Variants in CEMIP2 observed in about 807,000 individuals in gnomAD.
CEMIP2 encodes cell migration inducing hyaluronidase 2, also known as cell surface hyaluronidase CEMIP2.
Under a neutral mutation model 146.9 loss-of-function variants are expected in CEMIP2, and 79 were observed. The ratio of observed to expected loss-of-function variants is 0.54; its 90% CI spans 0.45 to 0.65. CEMIP2 has a LOEUF of 0.65. Among genes scored for constraint, CEMIP2 ranks in the 30% least tolerant of loss-of-function variants. CEMIP2 has a pLI of 0.00. For missense variants in CEMIP2, 1,596 were observed against 1,696.2 expected (o/e 0.94, Z 1.04); for synonymous variants, 601 against 606.3 (o/e 0.99, Z 0.13).
At chr9:71,702,748 A>C (rs1160849325) in intron 18 of CEMIP2, among the ~76,000 whole-genome samples, 1 of 152,196 alleles carries the variant, frequency 6.6e-6, no homozygotes, top group African/African-American at 2.4e-5. Context: ...ACCATCGTGT[A>C]ATTTTTATAA....
At chr9:71,726,254 G>A (rs559233682) in intron 10 of CEMIP2, among the ~76,000 whole-genome samples, 5 of 152,166 alleles carry the variant, frequency 3.3e-5, no homozygotes, top group African/African-American at 1.2e-4. Context: ...TCTCAGGCTG[G>A]GCCCTGTCTG....
intron 13 of CEMIP2, 111 bp downstream of exon 13, chr9:71,717,837 A>G (rs1335945329): frequency 4.8e-6 from 5 of 1,048,576 alleles, no homozygotes; most frequent in Non-Finnish European, 6.7e-6. Context: ...CTTAATAATA[A>G]TAATATGATT....
chr9:71,761,065 C>T (rs1397216312), intron 1 of CEMIP2, among the ~76,000 whole-genome samples: 4 of 152,310 alleles, frequency 2.6e-5, no homozygotes, highest in South Asian at 2.1e-4. Context: ...CTGGCAGTGA[C>T]GGATGGCAGT....
At chr9:71,756,494 TCTCTCTCTCTCTCACACA>T (rs1824459195) in intron 1 of CEMIP2, among the ~76,000 whole-genome samples, 1 of 136,892 alleles carries the variant, frequency 7.3e-6, no homozygotes, top group South Asian at 2.6e-4. Flanking sequence ...TCTCTCTCTC[TCTCTCTCTCTCTCACACA>T]CACACACACA....
chr9:71,752,822 T>C (rs1049801790), intron 1 of CEMIP2, among the ~76,000 whole-genome samples: 1 of 152,070 alleles, frequency 6.6e-6, no homozygotes, highest in Non-Finnish European at 1.5e-5. Flanking sequence ...TGGAAATTAA[T>C]GGGGGCAGAA....
intron 2 of CEMIP2, among the ~76,000 whole-genome samples, chr9:71,746,811 G>A (rs1250132814): frequency 6.6e-6 from 1 of 152,146 alleles, no homozygotes; most frequent in Non-Finnish European, 1.5e-5. Flanking sequence ...CACAGTGAAT[G>A]ATGAAGTAAG....
rs1554684767 is a variant in CEMIP2 at position 71,728,291 on chromosome 9, A to ATACG, written c.2049+1553_2049+1554insCGTA. Among the ~76,000 whole-genome samples the ATACG allele has an allele frequency of 6.3e-4, 11 of 17,406 alleles. 2 individuals are homozygous for ATACG. The highest frequency in any genetic ancestry group is 9.8e-4 in the African/African-American group (9 of 9,198). The allele number at this position is 17,406 out of a possible 152,430, so 11.4% of individuals were successfully genotyped here. A position where few individuals can be genotyped will look rare whatever the true frequency, so the allele number is the denominator to read the frequency against. Reference sequence around the variant, plus strand: ...TATATATATATATATGTATATATATATATATATATACATATATATATATAT... The same window carrying ATACG: ...TATATATATATATATGTATATATATATACGTATATATATACATATATATATATAT... On this transcript the variant is annotated intron_variant, in intron 10 of 23. Coordinates refer to ENST00000377044, the MANE Select transcript of CEMIP2 (RefSeq NM_013390.3).
At chr9:71,749,040 G>A (rs759438707) in intron 2 of CEMIP2, among the ~76,000 whole-genome samples, 4 of 152,138 alleles carry the variant, frequency 2.6e-5, no homozygotes, top group Non-Finnish European at 4.4e-5. Context: ...CAGATGGATG[G>A]TATTCTTTTA....
At chr9:71,731,627 G>C (rs978418010) in intron 7 of CEMIP2, among the ~76,000 whole-genome samples, 2 of 151,964 alleles carry the variant, frequency 1.3e-5, no homozygotes. Context: ...GCTATTTGGC[G>C]GGGCTGAGGT....
chr9:71,754,500 C>T (rs888845814), intron 1 of CEMIP2, among the ~76,000 whole-genome samples: 8 of 151,942 alleles, frequency 5.3e-5, no homozygotes, highest in African/African-American at 1.5e-4. Context: ...TTTAAATGGT[C>T]GTATTTCTAG....
chr9:71,699,461 A>AG (rs1822493985), intron 19 of CEMIP2: 1 of 421,858 alleles, frequency 2.4e-6, no homozygotes, highest in African/African-American at 2.2e-5. Context: ...TTAAAAAAAA[A>AG]AAAAGAAAGA....
chr9:71,749,798 G>A (rs1190957995), intron 2 of CEMIP2, among the ~76,000 whole-genome samples: 3 of 152,076 alleles, frequency 2.0e-5, no homozygotes, highest in African/African-American at 7.2e-5. Context: ...TTCCAAAAGA[G>A]GTACTCCAAG....
intron 13 of CEMIP2, among the ~76,000 whole-genome samples, chr9:71,717,622 A>G (rs1266081710): frequency 6.6e-6 from 1 of 152,198 alleles, no homozygotes; most frequent in Non-Finnish European, 1.5e-5. Context: ...TTCAAGAGGA[A>G]GGGAAAAGAT....
intron 12 of CEMIP2, among the ~76,000 whole-genome samples, chr9:71,719,842 C>CAAAAAAAAAAAAAAAAA (rs34555277): frequency 2.3e-4 from 21 of 93,190 alleles, no homozygotes; most frequent in African/African-American, 4.0e-4. Context: ...TAAACGAAAG[C>CAAAAAAAAAAAAAAAAA]AAAAAAAAAA....
chr9:71,712,180 G>C lies in CEMIP2; in HGVS notation c.2672C>G (p.Thr891Ser). 1.9e-6 allele frequency: 3 copies of C among 1,614,178 alleles called. No individual in the cohort carries two copies. The highest frequency in any genetic ancestry group is 2.5e-6 in the Non-Finnish European group (3 of 1,180,026). ...AATTGCACTGCTGTACCTATCTGGA[G>C]TTGGCACATATTTTTTGAAAGTGCT... ...TRSTFKKYVP[T>S]PDRYSSAIGF... Residue 891 changes from threonine to serine, a missense_variant, in exon 16 of 24, where the codon ACT (threonine) becomes AGT (serine). Thr to Ser is a moderately conservative substitution (Grantham distance 58). Coordinates refer to ENST00000377044, the MANE Select transcript of CEMIP2 (RefSeq NM_013390.3).
rs921732609 is a variant in CEMIP2, at chr9:71,698,068, G to T, written c.3514C>A (p.Pro1172Thr). The T allele has an allele frequency of 6.2e-7, 1 of 1,613,964 alleles. No individual in the cohort carries two copies. The highest frequency in any genetic ancestry group is 1.3e-5 in the African/African-American group (1 of 74,888). Residue 1172 changes from proline to threonine, a missense_variant, in exon 20 of 24, where the codon CCA (proline) becomes ACA (threonine). Pro to Thr is a conservative substitution (Grantham distance 38, BLOSUM62 -1). Transcript: ENST00000377044. Reference sequence around the variant, plus strand: ...ACTGACGGCTTTCTGTAGTACTGTGGGTATGCTTTGGCCATGCAGTTACTG... The same window carrying T: ...ACTGACGGCTTTCTGTAGTACTGTGTGTATGCTTTGGCCATGCAGTTACTG... ...DISNCMAKAY[P>T]QYYRKPSVVK...
intron 21 of CEMIP2, among the ~76,000 whole-genome samples, chr9:71,693,948 TGA>T (rs894103338): frequency 7.2e-5 from 11 of 152,126 alleles, no homozygotes; most frequent in African/African-American, 2.4e-4. Flanking sequence ...AAAAGAAGGC[TGA>T]GAGAGACCCC....
At chr9:71,707,889 T>C (rs559594554) in intron 17 of CEMIP2, among the ~76,000 whole-genome samples, 3 of 152,236 alleles carry the variant, frequency 2.0e-5, no homozygotes, top group African/African-American at 7.2e-5. Context: ...CCTCTGACAG[T>C]CTATTATTAA....
At chr9:71,756,226 ATGTATATAGG>A (rs1192327403) in intron 1 of CEMIP2, among the ~76,000 whole-genome samples, 1 of 106,544 alleles carries the variant, frequency 9.4e-6, no homozygotes, top group Non-Finnish European at 2.2e-5. Flanking sequence ...CTATATATAT[ATGTATATAGG>A]TGTATATATA....
Sources: gnomAD v4.1 joint callset for allele counts (sites outside exome capture counted in the v4.1 genomes callset) on GRCh38, gnomAD v4.1.1 for gene constraint, MANE v1.5 for transcripts, NCBI Gene and HGNC (gene_info 2026-07-23, HGNC 2026-07-21) for gene names.